The following PLCZ1 variants were observed in gnomAD, a reference collection of about 807,000 sequenced individuals.
PLCZ1 encodes 1-phosphatidylinositol 4,5-bisphosphate phosphodiesterase zeta-1.
A neutral mutation model predicts 76.8 loss-of-function variants in PLCZ1; 64 were observed. That is an observed-to-expected ratio of 0.83 (90% CI 0.68 to 1.03). The LOEUF is 1.03. Ranked by LOEUF, PLCZ1 falls within the 50% of genes least tolerant of loss-of-function variation. The probability of loss-of-function intolerance (pLI) is 0.00; values close to 1 mark genes in which losing one functional copy is unlikely to be tolerated. For synonymous variants in PLCZ1, 248 were observed against 230.8 expected (o/e 1.07, Z -0.68); for missense variants, 751 against 713.7 (o/e 1.05, Z -0.60).
chr12:18,699,564 C>G (rs77905172), intron 10 of PLCZ1, among the ~76,000 whole-genome samples: 5,305 of 152,106 alleles, frequency 0.035, 318 homozygotes, highest in African/African-American at 0.12. Context: ...GTGGCCACAT[C>G]GGACATTCTC....
chr12:18,737,442 C>G lies in PLCZ1; in HGVS notation c.-71G>C. On this transcript the variant is annotated 5_prime_UTR_variant, in exon 2 of 15. Transcript: ENST00000266505. Reference sequence around the variant, plus strand: ...CCCCAGTAGGTGCTGTCATGGGTTCCAAATACAATTAACTCTGCCCCTTTG... The same window carrying G: ...CCCCAGTAGGTGCTGTCATGGGTTCGAAATACAATTAACTCTGCCCCTTTG... 1 of 1,599,380 alleles carries G rather than the reference C, an allele frequency of 6.3e-7. No homozygotes were observed. Among genetic ancestry groups the G allele is most frequent in the Non-Finnish European group, 8.6e-7 (1 of 1,166,828 alleles).
At chr12:18,656,757 A>G in the PLCZ1 span, among the ~76,000 whole-genome samples, 1 of 5,746 alleles carries the variant, frequency 1.7e-4, no homozygotes, top group African/African-American at 1.0e-3. Context: ...CAACAACGAC[A>G]ACAACAACAA....
At chr12:18,669,962 C>T in the PLCZ1 span, among the ~76,000 whole-genome samples, 1 of 152,242 alleles carries the variant, frequency 6.6e-6, no homozygotes, top group South Asian at 2.1e-4. Context: ...GCCACCGCGC[C>T]CGGCCCTCTT....
At chr12:18,687,454 T>C (rs7299239) in intron 13 of PLCZ1, among the ~76,000 whole-genome samples, 68,160 of 151,914 alleles carry the variant, frequency 0.45, 15,953 homozygotes, top group African/African-American at 0.59. Flanking sequence ...CCCAGGAACC[T>C]ATCCTTTTCT....
chr12:18,737,713 T>C (rs1490152354), intron 1 of PLCZ1: 5 of 454,430 alleles, frequency 1.1e-5, no homozygotes, highest in Non-Finnish European at 2.0e-5. Flanking sequence ...CATTTTTCCA[T>C]GAACTGCCAT....
chr12:18,695,154 A>T, intron 11 of PLCZ1, 75 bp from the exon 12 acceptor site: 2 of 1,387,336 alleles, frequency 1.4e-6, no homozygotes, highest in South Asian at 2.3e-5. Context: ...ACTTACTGAA[A>T]TCTAATAATG....
At chr12:18,650,692 GTGTGTGTGTGTGTATATATCTATATATA>G in the PLCZ1 span, among the ~76,000 whole-genome samples, 14 of 38,656 alleles carry the variant, frequency 3.6e-4, no homozygotes, top group Admixed American at 4.7e-4. Flanking sequence ...GTGTGTGTGT[GTGTGTGTGTGTGTATATATCTATATATA>G]TATATATATA....
chr12:18,647,471 T>A, the PLCZ1 span, among the ~76,000 whole-genome samples: 11 of 151,860 alleles, frequency 7.2e-5, no homozygotes, highest in African/African-American at 1.2e-4. Context: ...AAAAAAATAG[T>A]CTGCTTTTCC....
intron 5 of PLCZ1, among the ~76,000 whole-genome samples, chr12:18,718,709 T>C (rs1045151883): frequency 1.6e-4 from 24 of 152,322 alleles, no homozygotes; most frequent in African/African-American, 5.8e-4. Flanking sequence ...ACAGTCACTT[T>C]CTATCACATT....
chr12:18,650,718 A>ATC, the PLCZ1 span, among the ~76,000 whole-genome samples: 2 of 7,104 alleles, frequency 2.8e-4, no homozygotes, highest in East Asian at 9.8e-3. Context: ...ATATCTATAT[A>ATC]TATATATATA....
intron 7 of PLCZ1, among the ~76,000 whole-genome samples, chr12:18,704,960 T>C (rs1240326649): frequency 6.6e-6 from 1 of 151,924 alleles, no homozygotes; most frequent in African/African-American, 2.4e-5. Context: ...GGGTTGTATG[T>C]ATATATATAT....
chr12:18,683,353 C>A, intron 14 of PLCZ1, 29 bp from the exon 15 acceptor site: 1 of 1,598,918 alleles, frequency 6.3e-7, no homozygotes, highest in Middle Eastern at 1.7e-4. Context: ...CTAATTAGAC[C>A]AATAACCAAT....
In PLCZ1 at chr12:18,737,432, T is replaced by C. The variant is rs1205246519; in HGVS notation, c.-61A>G. 4 of 1,610,726 alleles carry C rather than the reference T, an allele frequency of 2.5e-6. No individual in the cohort carries two copies. Among genetic ancestry groups the C allele is most frequent in the South Asian group, 1.1e-5 (1 of 90,992 alleles). ...AGAAGTCTTTCCCCAGTAGGTGCTG[T>C]CATGGGTTCCAAATACAATTAACTC... On this transcript the variant is annotated 5_prime_UTR_variant, in exon 2 of 15. Transcript: ENST00000266505.
At chr12:18,737,230 CAG>C in intron 2 of PLCZ1, 129 bp downstream of exon 2, 1 of 969,104 alleles carries the variant, frequency 1.0e-6, no homozygotes, top group Admixed American at 1.9e-5. Context: ...TCAGAACAAA[CAG>C]GGAAAAGCAG....
chr12:18,650,728 A>ATATC, the PLCZ1 span, among the ~76,000 whole-genome samples: 4 of 23,464 alleles, frequency 1.7e-4, no homozygotes, highest in African/African-American at 3.4e-4. Context: ...ATATATATAT[A>ATATC]TATATATATA....
At position 18,723,476 on chromosome 12, in the gene PLCZ1, T is replaced by A. The variant is rs1459480434; in HGVS notation, c.202A>T (p.Thr68Ser). Reference protein sequence around the residue: ...EEFRAIYRIITHREEIIEIFN... With the variant: ...EEFRAIYRIISHREEIIEIFN... ...ATCTCAATAATTTCTTCTCTGTGCG[T>A]GATAATTCGATAAATTGCTCTAAAT... The change falls in exon 4 of 15, where the codon ACG becomes TCG. Residue 68 changes from threonine to serine, a missense_variant. Transcript: ENST00000266505. The A allele has an allele frequency of 1.9e-6, 3 of 1,612,946 alleles. No homozygotes were observed. Among genetic ancestry groups the A allele is most frequent in the Non-Finnish European group, 1.7e-6 (2 of 1,179,468 alleles).
chr12:18,718,142 G>C (rs1457329924), intron 5 of PLCZ1, among the ~76,000 whole-genome samples: 1 of 152,114 alleles, frequency 6.6e-6, no homozygotes, highest in Non-Finnish European at 1.5e-5. Context: ...ATGTTTGGTA[G>C]ATTAGATATA....
chr12:18,722,264 T>C (rs1045166327), intron 4 of PLCZ1, among the ~76,000 whole-genome samples: 2 of 152,014 alleles, frequency 1.3e-5, no homozygotes, highest in African/African-American at 4.8e-5. Flanking sequence ...AAGATATCCT[T>C]TTACATGCTT....
intron 9 of PLCZ1, among the ~76,000 whole-genome samples, 188 bp from the exon 10 acceptor site, chr12:18,700,138 A>T (rs1460061544): frequency 6.6e-6 from 1 of 152,168 alleles, no homozygotes; most frequent in Non-Finnish European, 1.5e-5. Context: ...TGTTAAGATA[A>T]GCTAGCTTAA....
Sources: gnomAD v4.1 joint callset for allele counts (sites outside exome capture counted in the v4.1 genomes callset) on GRCh38, gnomAD v4.1.1 for gene constraint, MANE v1.5 for transcripts, NCBI Gene and HGNC (gene_info 2026-07-23, HGNC 2026-07-21) for gene names.